Variants in UBR3 observed in about 807,000 individuals in gnomAD.
The protein encoded by UBR3 is ubiquitin protein ligase E3 component n-recognin 3.
UBR3 carries 85 observed loss-of-function variants against 243.2 expected under a neutral mutation model. The observed-to-expected ratio is 0.35, with a 90% CI of 0.29 to 0.42. The LOEUF (loss-of-function observed/expected upper bound fraction) is 0.42, where lower values mean the gene tolerates loss of function less well. Among genes scored for constraint, UBR3 ranks in the 10% least tolerant of loss-of-function variants. The pLI, the probability that UBR3 is intolerant of heterozygous loss-of-function variation, is 1.00. For missense variants in UBR3, 1,686 were observed against 2,300.8 expected, an observed-to-expected ratio of 0.73 and a Z score of 5.47; for synonymous variants, 748 against 799.8, an observed-to-expected ratio of 0.94 and a Z score of 1.09.
At chr2:170,015,660 T>G (rs1361714304) in intron 30 of UBR3, among the ~76,000 whole-genome samples, 1 of 151,910 alleles carries the variant, frequency 6.6e-6, no homozygotes, top group African/African-American at 2.4e-5. Context: ...TTAATTCTCT[T>G]AAAGAATTTT....
intron 35 of UBR3, among the ~76,000 whole-genome samples, chr2:170,066,211 A>C (rs1321311686): frequency 6.6e-6 from 1 of 152,218 alleles, no homozygotes; most frequent in Non-Finnish European, 1.5e-5. Flanking sequence ...TAGATGTTCT[A>C]ACACAGCAAG....
chr2:169,954,639 G>T (rs559795390), intron 23 of UBR3, among the ~76,000 whole-genome samples: 2 of 148,896 alleles, frequency 1.3e-5, no homozygotes, highest in Non-Finnish European at 3.0e-5. Context: ...GCAGTGGCGC[G>T]ATCTCAGCTC....
At position 170,081,912 on chromosome 2, in the gene UBR3, A is replaced by C. The variant is rs530177576; in HGVS notation, c.*69A>C. ...ATTTATTTTTCAACAATAAGCTTTA[A>C]CTTAATTTGGGGGATTAACACTTTT... is the stretch of plus-strand genomic sequence containing the variant. On this transcript the variant is annotated 3_prime_UTR_variant, in exon 39 of 39. Transcript: ENST00000272793. The C allele has an allele frequency of 2.8e-5, 32 of 1,162,188 alleles. No homozygotes were observed. The East Asian group carries it at 7.3e-4, about 27-fold the overall frequency. The allele number at this position is 1,162,188 out of a possible 1,614,324, so 72.0% of individuals were successfully genotyped here.
At chr2:169,833,215 G>C (rs1026985085) in intron 1 of UBR3, among the ~76,000 whole-genome samples, 6 of 152,200 alleles carry the variant, frequency 3.9e-5, no homozygotes, top group African/African-American at 1.4e-4. Flanking sequence ...AACTAGTGTT[G>C]TTCAAGGGTC....
intron 32 of UBR3, among the ~76,000 whole-genome samples, chr2:170,047,991 C>T (rs947677585): frequency 1.5e-4 from 23 of 152,058 alleles, no homozygotes; most frequent in Admixed American, 9.2e-4. Flanking sequence ...GTGATGGTGG[C>T]GAGAAATAAA....
intron 11 of UBR3, among the ~76,000 whole-genome samples, chr2:169,922,134 A>G (rs2085724717): frequency 6.6e-6 from 1 of 151,782 alleles, no homozygotes; most frequent in African/African-American, 2.4e-5. Flanking sequence ...CCAAAAACAG[A>G]AATTAGCCAG....
In UBR3 at chr2:170,083,479, T is replaced by C. The variant is rs2091937119; in HGVS notation, c.*1636T>C. 6.6e-6 allele frequency: 1 copy of C among 152,624 alleles called. No homozygotes were observed. The highest frequency in any genetic ancestry group is 1.5e-5 in the Non-Finnish European group (1 of 68,018). 9.5% of individuals were successfully genotyped at this position (152,624 alleles called of 1,614,324 possible). A position where few individuals can be genotyped will look rare whatever the true frequency, so the allele number is the denominator to read the frequency against. On this transcript the variant is annotated 3_prime_UTR_variant, in exon 39 of 39. Transcript: ENST00000272793. ...TGCTACTTTTTTAAATACTGTATCA[T>C]AAGTTCAGCCTGTCATACTTTTTGC...
chr2:169,836,454 A>G (rs1007984211), intron 1 of UBR3, among the ~76,000 whole-genome samples: 2 of 151,892 alleles, frequency 1.3e-5, no homozygotes, highest in Non-Finnish European at 2.9e-5. Context: ...CATGGACACC[A>G]CGAAGGGAAC....
intron 23 of UBR3, among the ~76,000 whole-genome samples, chr2:169,957,382 A>G (rs2087352199): frequency 1.3e-5 from 2 of 152,092 alleles, no homozygotes; most frequent in Admixed American, 6.5e-5. Context: ...CTATGCAGCC[A>G]TAAAAAAGGA....
chr2:169,993,192 GATAA>G (rs1253409573), intron 25 of UBR3, among the ~76,000 whole-genome samples: 1 of 152,066 alleles, frequency 6.6e-6, no homozygotes, highest in Non-Finnish European at 1.5e-5. Flanking sequence ...TTATTTACTT[GATAA>G]ATAAAAATTG....
chr2:169,861,849 A>G lies in UBR3; in HGVS notation c.546-10387A>G, dbSNP rs529473588. Among the ~76,000 whole-genome samples the G allele has an allele frequency of 1.4e-4, 21 of 152,268 alleles. No individual in the cohort carries two copies. The East Asian group carries it at 3.1e-3, about 22-fold the overall frequency. On this transcript the variant is annotated intron_variant, in intron 1 of 38. Coordinates refer to ENST00000272793, the MANE Select transcript of UBR3 (RefSeq NM_172070.4). The stretch of plus-strand genomic sequence containing the variant: ...GAACTCTAATGATTTCACATTTTAC[A>G]TTTACCTTTTTGATATGTTAGGAAT...
At chr2:169,941,042 C>T (rs1318685295) in intron 19 of UBR3, among the ~76,000 whole-genome samples, 2 of 152,104 alleles carry the variant, frequency 1.3e-5, no homozygotes, top group African/African-American at 2.4e-5. Context: ...ATTGTCATGG[C>T]CTGATGATTC....
intron 24 of UBR3, among the ~76,000 whole-genome samples, chr2:169,977,794 T>G (rs1205103095): frequency 6.6e-6 from 1 of 152,252 alleles, no homozygotes; most frequent in African/African-American, 2.4e-5. Flanking sequence ...ACCAGCCATC[T>G]AGGCATCCCT....
At chr2:170,076,694 A>AT (rs2105459811) in intron 36 of UBR3, among the ~76,000 whole-genome samples, 1 of 152,356 alleles carries the variant, frequency 6.6e-6, no homozygotes, top group Non-Finnish European at 1.5e-5. Context: ...TTCTTTTACC[A>AT]TCCGTGATCC....
intron 30 of UBR3, among the ~76,000 whole-genome samples, chr2:170,021,179 TCTC>T (rs1338666363): frequency 6.6e-6 from 1 of 152,164 alleles, no homozygotes; most frequent in Non-Finnish European, 1.5e-5. Flanking sequence ...AGATTGTAAA[TCTC>T]AACATTAATA....
chr2:169,857,136 C>CGAT (rs2082914841), intron 1 of UBR3, among the ~76,000 whole-genome samples: 3 of 115,174 alleles, frequency 2.6e-5, no homozygotes, highest in Middle Eastern at 9.1e-3. Flanking sequence ...TGCAGTGGTG[C>CGAT]GATCTAGGCT....
chr2:169,875,385 A>G (rs2083568881), intron 2 of UBR3, among the ~76,000 whole-genome samples: 1 of 152,216 alleles, frequency 6.6e-6, no homozygotes, highest in Non-Finnish European at 1.5e-5. Flanking sequence ...GCTGGAGTAC[A>G]GTGGCATGAT....
At chr2:169,975,505 G>A (rs1334805705) in intron 24 of UBR3, among the ~76,000 whole-genome samples, 4 of 152,176 alleles carry the variant, frequency 2.6e-5, no homozygotes, top group African/African-American at 9.7e-5. Context: ...GTGTTTCTTT[G>A]TTGATTTTCT....
intron 24 of UBR3, among the ~76,000 whole-genome samples, chr2:169,973,950 A>G (rs1369915599): frequency 6.6e-6 from 1 of 152,142 alleles, no homozygotes; most frequent in Admixed American, 6.5e-5. Context: ...TTTTGAGATG[A>G]TTGTATAATT....
Sources: gnomAD v4.1 joint callset for allele counts (sites outside exome capture counted in the v4.1 genomes callset) on GRCh38, gnomAD v4.1.1 for gene constraint, MANE v1.5 for transcripts, NCBI Gene and HGNC (gene_info 2026-07-23, HGNC 2026-07-21) for gene names.